Variants in CNBD2 observed in about 807,000 individuals in gnomAD.
CNBD2 encodes cyclic nucleotide binding domain containing 2.
In CNBD2, 64 loss-of-function variants were observed where a neutral mutation model predicts 63.7. The observed-to-expected ratio is 1.00, with a 90% CI of 0.82 to 1.24. CNBD2 has a LOEUF of 1.24. Ranked by LOEUF, CNBD2 falls within the 50% of genes most tolerant of loss-of-function variation. The pLI, the probability that CNBD2 is intolerant of heterozygous loss-of-function variation, is 0.00. For synonymous variants in CNBD2, 229 were observed against 255.4 expected (o/e 0.90, Z 0.99); for missense variants, 691 against 713.5 (o/e 0.97, Z 0.36).
chr20:36,007,698 T>C (rs1467420541), intron 8 of CNBD2, among the ~76,000 whole-genome samples: 1 of 152,146 alleles, frequency 6.6e-6, no homozygotes, highest in Non-Finnish European at 1.5e-5. Flanking sequence ...AATTCTTTAA[T>C]TTATTGTAGA....
At chr20:35,967,872 CTT>C (rs1426804157), upstream of CNBD2, among the ~76,000 whole-genome samples, 4 of 152,086 alleles carry the variant, frequency 2.6e-5, no homozygotes, top group African/African-American at 9.7e-5. Flanking sequence ...AAAGCCCTAT[CTT>C]TGCAGGACAG....
chr20:36,011,488 C>T (rs781450404), intron 10 of CNBD2, among the ~76,000 whole-genome samples: 1 of 152,010 alleles, frequency 6.6e-6, no homozygotes, highest in Non-Finnish European at 1.5e-5. Context: ...AGTTTGAGAC[C>T]AGCCTGACCA....
In CNBD2 at chr20:35,976,002, G is replaced by A; in HGVS notation, c.243G>A (p.Glu81=). The A allele has an allele frequency of 1.2e-6, 2 of 1,608,478 alleles. No individual in the cohort carries two copies. The highest frequency in any genetic ancestry group is 1.3e-5 in the African/African-American group (1 of 74,996). The part of the protein sequence containing the change: ...TFDTMDFIAE[E]GHFPPKAIQI... The stretch of plus-strand genomic sequence containing the variant: ...ATACCATGGACTTCATTGCAGAGGA[G>A]GTATGCATAGCTCGAAACTTGCTGT... The change falls in exon 3 of 12, where the codon GAG becomes GAA. Residue 81 remains glutamate (E), a splice_region_variant and synonymous_variant. Coordinates refer to ENST00000373973, the MANE Select transcript of CNBD2 (RefSeq NM_001365709.1).
chr20:35,979,638 T>C (rs1248951515), intron 3 of CNBD2, among the ~76,000 whole-genome samples: 3 of 152,190 alleles, frequency 2.0e-5, no homozygotes, highest in Non-Finnish European at 4.4e-5. Flanking sequence ...AGCAAGAGCC[T>C]ACTGGGGAAG....
chr20:35,978,344 A>ATTT lies in CNBD2; in HGVS notation c.244-2099_244-2097dup, dbSNP rs146244036. Among the ~76,000 whole-genome samples, 654 of 137,088 alleles carry ATTT rather than the reference A, an allele frequency of 4.8e-3. 5 individuals are homozygous for ATTT. The highest frequency in any genetic ancestry group is 0.017 in the African/African-American group (634 of 37,094). 89.9% of individuals were successfully genotyped at this position (137,088 alleles called of 152,430 possible). A position where few individuals can be genotyped will look rare whatever the true frequency, so the allele number is the denominator to read the frequency against. On this transcript the variant is annotated intron_variant, in intron 3 of 11. Coordinates refer to ENST00000373973, the MANE Select transcript of CNBD2 (RefSeq NM_001365709.1). ...AAGTGTGTGCCACTACGCCTGGCTA[A>ATTT]TTTTTTTTTTTTTTTTTTGAGACGG... is the stretch of plus-strand genomic sequence containing the variant.
upstream of CNBD2, among the ~76,000 whole-genome samples, chr20:35,963,845 G>T (rs569754118): frequency 8.0e-4 from 122 of 152,198 alleles, no homozygotes; most frequent in African/African-American, 2.7e-3. Flanking sequence ...GAGAATTTTT[G>T]ACCTGAAAGA....
chr20:35,954,448 C>G, upstream of CNBD2: 1 of 1,549,288 alleles, frequency 6.5e-7, no homozygotes, highest in Non-Finnish European at 8.7e-7. Context: ...CGGAGCTTAC[C>G]TGCACCAGCG....
At chr20:35,956,439 TCCTTTAGACA>T (rs970202151), downstream of CNBD2, among the ~76,000 whole-genome samples, 1 of 152,224 alleles carries the variant, frequency 6.6e-6, no homozygotes, top group African/African-American at 2.4e-5. Flanking sequence ...AGAGACGACT[TCCTTTAGACA>T]AGATACTCTG....
chr20:36,030,042 G>A (rs2794384), intron 11 of CNBD2, among the ~76,000 whole-genome samples: 8,307 of 152,264 alleles, frequency 0.055, 736 homozygotes, highest in African/African-American at 0.19. Context: ...TGATTAAGGA[G>A]CTATTTTACT....
intron 10 of CNBD2, among the ~76,000 whole-genome samples, chr20:36,018,043 G>A (rs1390274547): frequency 6.6e-6 from 1 of 152,212 alleles, no homozygotes; most frequent in African/African-American, 2.4e-5. Context: ...GTCCCCATAT[G>A]CCCCACGCCC....
chr20:35,963,097 A>C (rs1270489133), intron 2 of CNBD2, among the ~76,000 whole-genome samples: 2 of 152,186 alleles, frequency 1.3e-5, no homozygotes, highest in East Asian at 3.8e-4. Flanking sequence ...TAATCCCAGC[A>C]CTTTAAGAGG....
chr20:36,020,445 A>G (rs2794379), intron 10 of CNBD2, among the ~76,000 whole-genome samples: 3,190 of 152,276 alleles, frequency 0.021, 116 homozygotes, highest in African/African-American at 0.073. Context: ...AATAGGAGTC[A>G]GCTCACTGGA....
chr20:36,005,975 C>G (rs1011189251), intron 8 of CNBD2, among the ~76,000 whole-genome samples: 2 of 151,448 alleles, frequency 1.3e-5, no homozygotes, highest in Admixed American at 6.6e-5. Flanking sequence ...AAAAACAAAA[C>G]AAAACAAACA....
chr20:35,955,812 C>T (rs183513344), downstream of CNBD2, among the ~76,000 whole-genome samples: 359 of 152,200 alleles, frequency 2.4e-3, 1 homozygote, highest in Middle Eastern at 0.017. Context: ...CTCCGCCTAC[C>T]GGGTTCAAGC....
intron 8 of CNBD2, among the ~76,000 whole-genome samples, chr20:35,997,618 T>C (rs1218861075): frequency 2.0e-5 from 3 of 152,168 alleles, no homozygotes. Flanking sequence ...GTCTGTAAAA[T>C]GTAAATAATG....
chr20:35,975,819 C>T, intron 2 of CNBD2, 130 bp from the exon 3 acceptor site: 1 of 735,864 alleles, frequency 1.4e-6, no homozygotes, highest in Non-Finnish European at 2.3e-6. Flanking sequence ...CTGAAAGGGC[C>T]GGCTGCTATG....
chr20:36,016,788 CAAA>C (rs534778243), intron 10 of CNBD2, among the ~76,000 whole-genome samples: 8 of 62,828 alleles, frequency 1.3e-4, no homozygotes, highest in Admixed American at 1.8e-4. Flanking sequence ...GACTCTGTCT[CAAA>C]AAAAAAAAAA....
In CNBD2 at chr20:36,011,213, G is replaced by C. The variant is rs1392593165; in HGVS notation, c.1225G>C (p.Gly409Arg). Residue 409 changes from glycine to arginine, a missense_variant, in exon 10 of 12, where the codon GGG (glycine) becomes CGG (arginine). Gly to Arg is a moderately radical substitution (Grantham distance 125, BLOSUM62 -2). Coordinates refer to ENST00000373973, the MANE Select transcript of CNBD2 (RefSeq NM_001365709.1). Reference protein sequence around the residue: ...PGELPKEAAVGAYVKVHTVEQ... With the variant: ...PGELPKEAAVRAYVKVHTVEQ... ...TGAGCTCCCCAAGGAGGCTGCAGTG[G>C]GGGCCTACGTGAAGGTGCACACTGT... 10 of 1,595,426 alleles carry C rather than the reference G, an allele frequency of 6.3e-6. No individual in the cohort carries two copies. Among genetic ancestry groups the C allele is most frequent in the Non-Finnish European group, 8.5e-6 (10 of 1,169,988 alleles).
intron 8 of CNBD2, 74 bp from the exon 9 acceptor site, chr20:36,008,223 C>T: frequency 1.6e-6 from 2 of 1,277,880 alleles, no homozygotes; most frequent in African/African-American, 3.0e-5. Context: ...CTGTGATAAG[C>T]TTCAACTACT....
Sources: allele counts gnomAD v4.1 joint callset (sites outside exome capture counted in the v4.1 genomes callset), GRCh38; gene constraint gnomAD v4.1.1; transcripts MANE v1.5; gene names NCBI Gene and HGNC (gene_info 2026-07-23, HGNC 2026-07-21).